Variants in LINGO2 observed in about 807,000 individuals in gnomAD.
LINGO2 encodes leucine-rich repeat and immunoglobulin-like domain-containing nogo receptor-interacting protein 2.
LINGO2 carries 14 observed loss-of-function variants against 30.6 expected under a neutral mutation model. The ratio of observed to expected loss-of-function variants is 0.46; its 90% CI spans 0.30 to 0.72. The LOEUF (loss-of-function observed/expected upper bound fraction) is 0.72. Among genes scored for constraint, LINGO2 ranks in the 30% least tolerant of loss-of-function variants. LINGO2 has a pLI of 0.07. For synonymous variants in LINGO2, 317 were observed against 288.5 expected (o/e 1.10, Z -1.00); for missense variants, 729 against 751.7 (o/e 0.97, Z 0.35).
In LINGO2 at chr9:28,064,042, G is replaced by C. The variant is rs79923633; in HGVS notation, c.-86-51637C>G. On this transcript the variant is annotated intron_variant, in intron 4 of 5. Transcript: ENST00000379992. ...AAAATAGCATAAGACCAAAAACAAT[G>C]TGTGATCATTTTACATAAAGAAACC... is the stretch of plus-strand genomic sequence containing the variant. 3.4e-4 allele frequency among the ~76,000 whole-genome samples: 52 copies of C among 152,210 alleles called. No individual in the cohort carries two copies. The East Asian group carries it at 7.0e-3, about 20-fold the overall frequency.
chr9:28,966,948 G>C, the LINGO2 span, among the ~76,000 whole-genome samples: 5 of 151,986 alleles, frequency 3.3e-5, no homozygotes, highest in Non-Finnish European at 5.9e-5. Flanking sequence ...AAAGAATAGA[G>C]AAACATATAT....
At chr9:28,771,532 G>T in the LINGO2 span, among the ~76,000 whole-genome samples, 3 of 148,186 alleles carry the variant, frequency 2.0e-5, no homozygotes, top group Non-Finnish European at 4.5e-5. Flanking sequence ...ATTCAGAGAA[G>T]GTAGTATAAG....
intron 1 of LINGO2, among the ~76,000 whole-genome samples, chr9:28,609,760 G>T (rs10968671): frequency 0.3 from 45,706 of 151,874 alleles, 7,081 homozygotes; most frequent in Admixed American, 0.39. Context: ...GTCATAGATA[G>T]TTATCTTAAA....
chr9:29,059,816 G>T, the LINGO2 span, among the ~76,000 whole-genome samples: 2 of 151,926 alleles, frequency 1.3e-5, no homozygotes, highest in African/African-American at 4.8e-5. Context: ...AATGTCGTAG[G>T]CAGGGCACAT....
the LINGO2 span, among the ~76,000 whole-genome samples, chr9:29,107,905 T>TAAA: frequency 8.7e-5 from 13 of 148,970 alleles, no homozygotes; most frequent in South Asian, 6.4e-4. Context: ...ACCTGAAAAT[T>TAAA]AAAAAAAAAA....
chr9:28,762,342 A>G, the LINGO2 span, among the ~76,000 whole-genome samples: 1 of 152,064 alleles, frequency 6.6e-6, no homozygotes, highest in Non-Finnish European at 1.5e-5. Context: ...GAAGTGTAAC[A>G]GTGAAAAGGA....
At chr9:29,064,891 T>C in the LINGO2 span, among the ~76,000 whole-genome samples, 1 of 152,120 alleles carries the variant, frequency 6.6e-6, no homozygotes, top group South Asian at 2.1e-4. Flanking sequence ...ATTTGATAAA[T>C]AAATGAAGTA....
At chr9:28,097,584 A>C (rs1209204342) in intron 4 of LINGO2, among the ~76,000 whole-genome samples, 1 of 141,366 alleles carries the variant, frequency 7.1e-6, no homozygotes, top group African/African-American at 2.6e-5. Context: ...CTATCGCAAG[A>C]ACAAAAAACC....
chr9:28,708,165 A>G, the LINGO2 span, among the ~76,000 whole-genome samples: 1 of 152,202 alleles, frequency 6.6e-6, no homozygotes, highest in Admixed American at 6.6e-5. Flanking sequence ...TTCCATAACA[A>G]GTATCAAGGC....
the LINGO2 span, among the ~76,000 whole-genome samples, chr9:29,004,740 C>T: frequency 6.6e-6 from 1 of 151,874 alleles, no homozygotes; most frequent in African/African-American, 2.4e-5. Flanking sequence ...TAGATGCACA[C>T]TAAACATTCA....
the LINGO2 span, among the ~76,000 whole-genome samples, chr9:28,915,343 A>C: frequency 2.6e-5 from 4 of 152,134 alleles, no homozygotes; most frequent in Admixed American, 2.0e-4. Context: ...AAACACCTGC[A>C]GGGCTTGTTA....
At chr9:28,598,075 T>G (rs1178303254) in intron 1 of LINGO2, among the ~76,000 whole-genome samples, 1 of 152,138 alleles carries the variant, frequency 6.6e-6, no homozygotes, top group African/African-American at 2.4e-5. Context: ...TATTTTGTAT[T>G]TTTAATAGTC....
At chr9:28,603,568 G>A (rs1044783745) in intron 1 of LINGO2, among the ~76,000 whole-genome samples, 13 of 151,966 alleles carry the variant, frequency 8.6e-5, no homozygotes, top group African/African-American at 3.1e-4. Context: ...ATTTTTAAAA[G>A]ATACAATTTA....
intron 1 of LINGO2, among the ~76,000 whole-genome samples, chr9:28,570,428 A>T (rs1003184629): frequency 6.6e-6 from 1 of 151,946 alleles, no homozygotes; most frequent in Non-Finnish European, 1.5e-5. Context: ...AAGATGGATT[A>T]AAAAAATTAA....
At chr9:29,083,971 C>T in the LINGO2 span, among the ~76,000 whole-genome samples, 1 of 152,014 alleles carries the variant, frequency 6.6e-6, no homozygotes, top group Non-Finnish European at 1.5e-5. Context: ...ACTTCATCAT[C>T]TACCTGGTGT....
At chr9:28,111,681 T>C (rs1027344571) in intron 4 of LINGO2, among the ~76,000 whole-genome samples, 1 of 152,094 alleles carries the variant, frequency 6.6e-6, no homozygotes, top group Admixed American at 6.6e-5. Context: ...AAAAAGATAA[T>C]TGTAGTACAA....
At chr9:28,058,254 A>T (rs1263602315) in intron 4 of LINGO2, among the ~76,000 whole-genome samples, 1 of 152,144 alleles carries the variant, frequency 6.6e-6, no homozygotes, top group Non-Finnish European at 1.5e-5. Context: ...GTGGTGGAGT[A>T]CAATACAATA....
chr9:28,987,345 G>A, the LINGO2 span, among the ~76,000 whole-genome samples: 2 of 151,848 alleles, frequency 1.3e-5, no homozygotes, highest in African/African-American at 4.8e-5. Context: ...ATTATTCATA[G>A]TAGTCTCTTA....
At chr9:28,183,310 G>A (rs1308895703) in intron 4 of LINGO2, among the ~76,000 whole-genome samples, 1 of 152,066 alleles carries the variant, frequency 6.6e-6, no homozygotes, top group South Asian at 2.1e-4. Context: ...GTTGAGGGGT[G>A]GGGGGCGAGG....
Sources: allele counts gnomAD v4.1 joint callset (sites outside exome capture counted in the v4.1 genomes callset), GRCh38; gene constraint gnomAD v4.1.1; transcripts MANE v1.5; gene names NCBI Gene and HGNC (gene_info 2026-07-23, HGNC 2026-07-21).